TLN2: variants seen among roughly 807,000 people sequenced by gnomAD.
The protein encoded by TLN2 is talin 2.
TLN2 carries 118 observed loss-of-function variants against 294.7 expected under a neutral mutation model. The observed-to-expected ratio is 0.40, with a 90% CI of 0.34 to 0.47. The LOEUF is 0.47. Among genes scored for constraint, TLN2 ranks in the 20% least tolerant of loss-of-function variants. TLN2 has a pLI of 0.84. For synonymous variants in TLN2, 1,431 were observed against 1,304.5 expected (o/e 1.10, Z -2.09); for missense variants, 3,083 against 3,282.2 (o/e 0.94, Z 1.48).
intron 1 of TLN2, among the ~76,000 whole-genome samples, chr15:62,507,307 G>C (rs934364036): frequency 6.6e-6 from 1 of 152,164 alleles, no homozygotes. Flanking sequence ...GGAAAGGTGG[G>C]GGTATTCTGC....
rs771447978 is a variant in TLN2 at position 62,673,873 on chromosome 15, G to A, written c.835G>A (p.Glu279Lys). 1 of 1,613,148 alleles carries A rather than the reference G, an allele frequency of 6.2e-7. No homozygotes were observed. The highest frequency in any genetic ancestry group is 8.5e-7 in the Non-Finnish European group (1 of 1,179,420). ...AGAATATATCAAGCAGAGAGGAGCT[G>A]AAAAGAGGATCTTTCAGGTATTGGA... Reference protein sequence around the residue: ...PKEYIKQRGAEKRIFQEHKNC... With the variant: ...PKEYIKQRGAKKRIFQEHKNC... Residue 279 changes from glutamate (E) to lysine (K), a missense_variant, in exon 10 of 59, where the codon GAA becomes AAA. Coordinates refer to ENST00000636159, the MANE Select transcript of TLN2 (RefSeq NM_015059.3).
At chr15:62,525,901 G>T (rs1210266515) in intron 1 of TLN2, among the ~76,000 whole-genome samples, 2 of 152,166 alleles carry the variant, frequency 1.3e-5, no homozygotes, top group East Asian at 3.9e-4. Context: ...TTGGCAGTGT[G>T]CTGTGGGATC....
intron 1 of TLN2, among the ~76,000 whole-genome samples, chr15:62,489,699 G>A (rs1312147683): frequency 6.6e-6 from 1 of 152,166 alleles, no homozygotes; most frequent in African/African-American, 2.4e-5. Flanking sequence ...GGAAAGGATG[G>A]CATGTGATCG....
intron 1 of TLN2, among the ~76,000 whole-genome samples, chr15:62,445,766 G>A (rs971920129): frequency 1.3e-5 from 2 of 151,816 alleles, no homozygotes; most frequent in Non-Finnish European, 2.9e-5. Context: ...TGGGCTCAAA[G>A]AATCCTTTCA....
chr15:62,497,740 C>T (rs1420525364), intron 1 of TLN2, among the ~76,000 whole-genome samples: 4 of 152,124 alleles, frequency 2.6e-5, no homozygotes, highest in Admixed American at 2.6e-4. Context: ...TTAAGCAATT[C>T]ATATTTGAGA....
intron 20 of TLN2, 130 bp from the exon 21 acceptor site, chr15:62,708,372 C>A: frequency 1.1e-6 from 1 of 876,392 alleles, no homozygotes; most frequent in Non-Finnish European, 1.8e-6. Flanking sequence ...AAGTAAGAAA[C>A]CGAGCAGTGG....
chr15:62,699,119 A>C (rs935911341), intron 16 of TLN2, among the ~76,000 whole-genome samples: 5 of 152,152 alleles, frequency 3.3e-5, no homozygotes, highest in African/African-American at 1.2e-4. Flanking sequence ...ACCTGGGTTC[A>C]AACACCAGCT....
At chr15:62,420,989 T>A (rs1442865373) in intron 1 of TLN2, among the ~76,000 whole-genome samples, 1 of 152,234 alleles carries the variant, frequency 6.6e-6, no homozygotes, top group Non-Finnish European at 1.5e-5. Context: ...TAAAATAAGT[T>A]AATCACTTAT....
At chr15:62,669,762 G>A (rs2055174930) in intron 9 of TLN2, among the ~76,000 whole-genome samples, 1 of 152,202 alleles carries the variant, frequency 6.6e-6, no homozygotes, top group Admixed American at 6.5e-5. Context: ...TGGAACTACT[G>A]CGCTGCTGGC....
chr15:62,643,665 C>T (rs1436317665), intron 3 of TLN2, among the ~76,000 whole-genome samples: 1 of 152,042 alleles, frequency 6.6e-6, no homozygotes, highest in Non-Finnish European at 1.5e-5. Flanking sequence ...TATCAGGAAG[C>T]TCCTTCTGTG....
intron 28 of TLN2, among the ~76,000 whole-genome samples, chr15:62,730,234 G>T (rs1278701455): frequency 6.6e-6 from 1 of 151,848 alleles, no homozygotes; most frequent in Non-Finnish European, 1.5e-5. Context: ...TAGAGACGGG[G>T]TTTCACCGTG....
intron 3 of TLN2, among the ~76,000 whole-genome samples, chr15:62,641,089 A>G (rs1463860552): frequency 1.3e-5 from 2 of 152,074 alleles, no homozygotes; most frequent in African/African-American, 4.8e-5. Context: ...GGCATGAGCC[A>G]CTGCACCCAG....
intron 1 of TLN2, among the ~76,000 whole-genome samples, chr15:62,583,804 C>A (rs940254451): frequency 6.6e-6 from 1 of 152,108 alleles, no homozygotes; most frequent in Non-Finnish European, 1.5e-5. Context: ...CTAGTTACAC[C>A]TATTACTAAT....
intron 58 of TLN2, 64 bp from the exon 59 acceptor site, chr15:62,840,418 T>A: frequency 6.3e-7 from 1 of 1,592,296 alleles, no homozygotes; most frequent in Non-Finnish European, 8.6e-7. Context: ...ACATGAGCAG[T>A]GGGGTGGGTC....
chr15:62,404,881 G>C (rs1449899412), intron 1 of TLN2, among the ~76,000 whole-genome samples: 1 of 152,202 alleles, frequency 6.6e-6, no homozygotes, highest in Non-Finnish European at 1.5e-5. Context: ...GGCAGCCTGA[G>C]GCACAGCCAC....
At chr15:62,564,009 G>C (rs1198723912) in intron 1 of TLN2, among the ~76,000 whole-genome samples, 1 of 152,168 alleles carries the variant, frequency 6.6e-6, no homozygotes, top group African/African-American at 2.4e-5. Flanking sequence ...CTAACTACTA[G>C]GTGATCCAGT....
chr15:62,504,835 G>GTGTGTGTT (rs2140437868), intron 1 of TLN2, among the ~76,000 whole-genome samples: 1 of 144,872 alleles, frequency 6.9e-6, no homozygotes, highest in East Asian at 1.9e-4. Flanking sequence ...GTGTGTGTGT[G>GTGTGTGTT]TGTGTGTGTG....
At chr15:62,505,302 C>G (rs1178707323) in intron 1 of TLN2, among the ~76,000 whole-genome samples, 2 of 152,172 alleles carry the variant, frequency 1.3e-5, no homozygotes, top group African/African-American at 4.8e-5. Context: ...ATTTTTGGTT[C>G]TCCCACCTTG....
At chr15:62,665,179 C>T (rs1268124198) in intron 9 of TLN2, among the ~76,000 whole-genome samples, 1 of 152,056 alleles carries the variant, frequency 6.6e-6, no homozygotes, top group Non-Finnish European at 1.5e-5. Context: ...CCCCTCACCT[C>T]AGCCTCTCAA....
Sources: gnomAD v4.1 joint callset for allele counts (sites outside exome capture counted in the v4.1 genomes callset) on GRCh38, gnomAD v4.1.1 for gene constraint, MANE v1.5 for transcripts, NCBI Gene and HGNC (gene_info 2026-07-23, HGNC 2026-07-21) for gene names.